CNTN4: variants seen among roughly 807,000 people sequenced by gnomAD.
CNTN4 encodes contactin-4.
Under a neutral mutation model 122.5 loss-of-function variants are expected in CNTN4, and 77 were observed. That is an observed-to-expected ratio of 0.63 (90% CI 0.52 to 0.76). The LOEUF (loss-of-function observed/expected upper bound fraction) is 0.76, where lower values mean the gene tolerates loss of function less well. CNTN4 is among the 30% of genes least tolerant of loss of function. The probability of loss-of-function intolerance (pLI) is 0.00; values close to 1 mark genes in which losing one functional copy is unlikely to be tolerated. For synonymous variants in CNTN4, 512 were observed against 447.0 expected, an observed-to-expected ratio of 1.15 and a Z score of -1.83; for missense variants, 1,256 against 1,259.1, an observed-to-expected ratio of 1.00 and a Z score of 0.04.
At chr3:2,540,620 T>C (rs9883730) in intron 3 of CNTN4, among the ~76,000 whole-genome samples, 12,853 of 152,166 alleles carry the variant, frequency 0.084, 1,476 homozygotes, top group East Asian at 0.54. Flanking sequence ...ATGTGGATTA[T>C]GTTCATACAC....
chr3:2,166,913 C>T (rs1446857670), intron 2 of CNTN4, among the ~76,000 whole-genome samples: 5 of 151,458 alleles, frequency 3.3e-5, no homozygotes, highest in African/African-American at 9.7e-5. Flanking sequence ...AAGAAAGCTT[C>T]GATAGTAGAG....
At chr3:2,397,594 C>T (rs1447872939) in intron 3 of CNTN4, among the ~76,000 whole-genome samples, 1 of 151,956 alleles carries the variant, frequency 6.6e-6, no homozygotes, top group African/African-American at 2.4e-5. Context: ...GCTAATGTTG[C>T]AAACGCCACA....
At chr3:3,047,487 T>A (rs557329806) in intron 23 of CNTN4, among the ~76,000 whole-genome samples, 11,559 of 148,504 alleles carry the variant, frequency 0.078, 538 homozygotes, top group Admixed American at 0.095. Flanking sequence ...TCAAAACCGC[T>A]CAACTACATG....
At chr3:2,191,566 C>T (rs1401628296) in intron 2 of CNTN4, among the ~76,000 whole-genome samples, 2 of 152,030 alleles carry the variant, frequency 1.3e-5, no homozygotes. Flanking sequence ...ACACCTCTAG[C>T]CCGTAAATAT....
chr3:2,260,735 T>TA (rs1199111141), intron 2 of CNTN4, among the ~76,000 whole-genome samples: 5 of 149,400 alleles, frequency 3.3e-5, no homozygotes, highest in South Asian at 2.1e-4. Context: ...TTTATTTATT[T>TA]TTTTTTTGAG....
At chr3:2,126,944 G>A (rs980827764) in intron 2 of CNTN4, among the ~76,000 whole-genome samples, 1 of 152,184 alleles carries the variant, frequency 6.6e-6, no homozygotes, top group African/African-American at 2.4e-5. Flanking sequence ...ATGGAGGGTG[G>A]TTCGAAACTA....
chr3:2,549,126 TACA>T (rs904481921), intron 3 of CNTN4, among the ~76,000 whole-genome samples: 2 of 143,960 alleles, frequency 1.4e-5, no homozygotes, highest in African/African-American at 4.9e-5. Flanking sequence ...TTTCTAAATA[TACA>T]ATCATGTCAT....
At chr3:2,749,167 G>A (rs1206911615) in intron 6 of CNTN4, among the ~76,000 whole-genome samples, 1 of 151,604 alleles carries the variant, frequency 6.6e-6, no homozygotes, top group Non-Finnish European at 1.5e-5. Flanking sequence ...AGAATTTTTT[G>A]TTTTTTTATT....
intron 2 of CNTN4, among the ~76,000 whole-genome samples, chr3:2,278,018 A>C (rs888086903): frequency 7.9e-5 from 12 of 152,146 alleles, no homozygotes; most frequent in African/African-American, 2.9e-4. Context: ...TGCAACTTGT[A>C]AAGTGTGTGC....
At chr3:2,563,800 G>A (rs1010851602) in intron 3 of CNTN4, among the ~76,000 whole-genome samples, 2 of 151,994 alleles carry the variant, frequency 1.3e-5, no homozygotes, top group Non-Finnish European at 2.9e-5. Flanking sequence ...ACTGTAAGGT[G>A]TGTTTAAAAA....
intron 3 of CNTN4, among the ~76,000 whole-genome samples, chr3:2,470,212 G>T (rs929781242): frequency 2.0e-5 from 3 of 152,132 alleles, no homozygotes; most frequent in African/African-American, 7.2e-5. Flanking sequence ...GAGTAGCTGA[G>T]ATTACAGGCA....
chr3:3,023,425 A>G (rs531142564), intron 14 of CNTN4, among the ~76,000 whole-genome samples: 123 of 152,330 alleles, frequency 8.1e-4, no homozygotes, highest in African/African-American at 2.6e-3. Flanking sequence ...AAGTTTACCA[A>G]TAATAAAAAT....
intron 2 of CNTN4, among the ~76,000 whole-genome samples, chr3:2,251,225 C>G (rs1366306296): frequency 6.6e-6 from 1 of 151,866 alleles, no homozygotes; most frequent in Non-Finnish European, 1.5e-5. Context: ...TTGGGAAGTT[C>G]AGCATGGCCA....
intron 2 of CNTN4, among the ~76,000 whole-genome samples, chr3:2,212,884 G>T (rs1458905128): frequency 1.3e-5 from 2 of 152,074 alleles, no homozygotes; most frequent in African/African-American, 2.4e-5. Context: ...TGAGATTTTT[G>T]ACTGAAAATA....
chr3:2,412,845 T>C (rs758409189), intron 3 of CNTN4, among the ~76,000 whole-genome samples: 8 of 152,198 alleles, frequency 5.3e-5, no homozygotes, highest in Non-Finnish European at 8.8e-5. Context: ...CTTGATATTG[T>C]GTGAGTTGAG....
intron 4 of CNTN4, among the ~76,000 whole-genome samples, chr3:2,600,574 C>T (rs982266241): frequency 3.3e-5 from 5 of 152,146 alleles, no homozygotes; most frequent in Admixed American, 1.3e-4. Context: ...TGTCTATGTG[C>T]CACATTTTCT....
intron 3 of CNTN4, among the ~76,000 whole-genome samples, chr3:2,381,162 C>T (rs2046005226): frequency 6.6e-6 from 1 of 152,018 alleles, no homozygotes; most frequent in South Asian, 2.1e-4. Context: ...CCCGCCACCA[C>T]ACCCGGCTAA....
At chr3:2,803,980 A>G (rs1368310319) in intron 6 of CNTN4, among the ~76,000 whole-genome samples, 3 of 152,062 alleles carry the variant, frequency 2.0e-5, no homozygotes, top group African/African-American at 4.8e-5. Flanking sequence ...AGAGGAATGC[A>G]TAGTACAATT....
At chr3:2,554,906 A>G (rs1388420777) in intron 3 of CNTN4, among the ~76,000 whole-genome samples, 1 of 152,190 alleles carries the variant, frequency 6.6e-6, no homozygotes, top group Non-Finnish European at 1.5e-5. Context: ...ATTTTCATGG[A>G]TGAAAAAGTA....
Sources: gnomAD v4.1 joint callset for allele counts (sites outside exome capture counted in the v4.1 genomes callset) on GRCh38, gnomAD v4.1.1 for gene constraint, MANE v1.5 for transcripts, NCBI Gene and HGNC (gene_info 2026-07-23, HGNC 2026-07-21) for gene names.